The following NFE2L3 variants were observed in gnomAD, a reference collection of about 807,000 sequenced individuals.
NFE2L3 encodes NFE2 like bZIP transcription factor 3, also known as nuclear factor erythroid 2-related factor 3.
Under a neutral mutation model 23.5 loss-of-function variants are expected in NFE2L3, and 18 were observed. That is an observed-to-expected ratio of 0.77 (90% CI 0.53 to 1.13). The LOEUF (loss-of-function observed/expected upper bound fraction) is 1.13, where lower values mean the gene tolerates loss of function less well. Among genes scored for constraint, NFE2L3 ranks in the 50% most tolerant of loss-of-function variants. The pLI is 0.00. For missense variants in NFE2L3, 1,152 were observed against 877.2 expected (o/e 1.31, Z -3.96); for synonymous variants, 424 against 354.5 (o/e 1.20, Z -2.20).
chr7:26,156,909 G>A (rs1016623297), intron 1 of NFE2L3, among the ~76,000 whole-genome samples: 1 of 151,960 alleles, frequency 6.6e-6, no homozygotes, highest in East Asian at 1.9e-4. Flanking sequence ...TCAAGACATC[G>A]AGACCATCCT....
intron 1 of NFE2L3, among the ~76,000 whole-genome samples, chr7:26,154,409 A>G (rs952852878): frequency 1.3e-5 from 2 of 151,952 alleles, no homozygotes; most frequent in Non-Finnish European, 2.9e-5. Flanking sequence ...ACCAGATGGC[A>G]CTCTGCCACC....
chr7:26,185,882 TTAA>T lies in NFE2L3; in HGVS notation c.*100_*102del. 1 of 965,716 alleles carries T rather than the reference TTAA, an allele frequency of 1.0e-6. No individual in the cohort carries two copies. Among genetic ancestry groups the T allele is most frequent in the Non-Finnish European group, 1.5e-6 (1 of 663,134 alleles). 59.8% of individuals were successfully genotyped at this position (965,716 alleles called of 1,614,324 possible). A position where few individuals can be genotyped will look rare whatever the true frequency, so the allele number is the denominator to read the frequency against. ...TGAAACTGCTTCAAGAATTGTATCT[TTAA>T]GTACTGCTACTTGAATAACTCAGTT... is the stretch of plus-strand genomic sequence containing the variant. On this transcript the variant is annotated 3_prime_UTR_variant, in exon 4 of 4. Transcript: ENST00000056233.
chr7:26,185,310 G>C lies in NFE2L3; in HGVS notation c.1612G>C (p.Asp538His). Reference sequence around the variant, plus strand: ...AGACACAGATAGAAACTTGAGCCGTGATGAACAGCGTGCTAAAGCTTTGCA... The same window carrying C: ...AGACACAGATAGAAACTTGAGCCGTCATGAACAGCGTGCTAAAGCTTTGCA... ...LEDTDRNLSR[D>H]EQRAKALHIP... The change falls in exon 4 of 4, where the codon GAT becomes CAT. Residue 538 changes from aspartate to histidine, a missense_variant. Physicochemically the swap from Asp to His is moderately conservative, Grantham distance 81 (BLOSUM62 -1). Coordinates refer to ENST00000056233, the MANE Select transcript of NFE2L3 (RefSeq NM_004289.7). 1 of 1,614,118 alleles carries C rather than the reference G, an allele frequency of 6.2e-7. No individual in the cohort carries two copies. Among genetic ancestry groups the C allele is most frequent in the Non-Finnish European group, 8.5e-7 (1 of 1,179,984 alleles).
At chr7:26,180,493 CTT>C (rs1784488092) in intron 2 of NFE2L3, among the ~76,000 whole-genome samples, 1 of 152,214 alleles carries the variant, frequency 6.6e-6, no homozygotes, top group African/African-American at 2.4e-5. Context: ...TACCCATGGA[CTT>C]TTATATTAAA....
intron 1 of NFE2L3, among the ~76,000 whole-genome samples, chr7:26,162,681 T>A (rs1234060684): frequency 6.6e-6 from 1 of 152,012 alleles, no homozygotes; most frequent in Non-Finnish European, 1.5e-5. Flanking sequence ...CTCTGCCTTC[T>A]CCAGGGGACT....
rs1164540718 is a variant in NFE2L3, at chr7:26,185,677, A to G, written c.1979A>G (p.Asn660Ser). The stretch of plus-strand genomic sequence containing the variant: ...GACCAAGGTAGGCCAGTCAATCCCA[A>G]CCACTATGCTCTCCAGTGTACCCAT... ...RDDQGRPVNP[N>S]HYALQCTHDG... Residue 660 changes from asparagine (N) to serine (S), a missense_variant, in exon 4 of 4, where the codon AAC becomes AGC. Coordinates refer to ENST00000056233, the MANE Select transcript of NFE2L3 (RefSeq NM_004289.7). 6.2e-7 allele frequency: 1 copy of G among 1,613,800 alleles called. No individual in the cohort carries two copies. Among genetic ancestry groups the G allele is most frequent in the Non-Finnish European group, 8.5e-7 (1 of 1,179,818 alleles).
At chr7:26,183,840 G>A (rs779797859) in intron 3 of NFE2L3, 56 bp downstream of exon 3, 2 of 1,114,698 alleles carry the variant, frequency 1.8e-6, no homozygotes, top group Non-Finnish European at 2.8e-6. Flanking sequence ...TGACCTTTTG[G>A]TGAACAAATA....
rs1782441257 is a variant in NFE2L3, at chr7:26,184,946, T to G, written c.1248T>G (p.Asp416Glu). 6.2e-7 allele frequency: 1 copy of G among 1,613,858 alleles called. No homozygotes were observed. The highest frequency in any genetic ancestry group is 1.7e-5 in the Admixed American group (1 of 60,000). The change falls in exon 4 of 4, where the codon GAT (aspartate) becomes GAG (glutamate). Residue 416 changes from aspartate (D) to glutamate (E), a missense_variant. Transcript: ENST00000056233. ...IDVSQLFDEP[D>E]SDSGLSLDSS... Reference sequence around the variant, plus strand: ...TTTCTCAGCTTTTTGATGAACCAGATTCTGATTCTGGCCTTTCTTTAGATT... The same window carrying G: ...TTTCTCAGCTTTTTGATGAACCAGAGTCTGATTCTGGCCTTTCTTTAGATT...
intron 1 of NFE2L3, among the ~76,000 whole-genome samples, chr7:26,154,032 G>A (rs987446403): frequency 2.0e-5 from 3 of 152,172 alleles, no homozygotes; most frequent in Non-Finnish European, 4.4e-5. Flanking sequence ...AATGGGAATT[G>A]GGGCTAAACT....
At chr7:26,154,851 G>A (rs1784057224) in intron 1 of NFE2L3, among the ~76,000 whole-genome samples, 1 of 152,204 alleles carries the variant, frequency 6.6e-6, no homozygotes, top group African/African-American at 2.4e-5. Context: ...TAGACTGGCA[G>A]GCCTGCCTTG....
In NFE2L3 at chr7:26,184,684, G is replaced by C; in HGVS notation, c.986G>C (p.Arg329Thr). The change falls in exon 4 of 4, where the codon AGA (arginine) becomes ACA (threonine). Residue 329 changes from arginine (R) to threonine (T), a missense_variant. Physicochemically the swap from Arg to Thr is moderately conservative, Grantham distance 71. Transcript: ENST00000056233. ...ILLCPNNTFR[R>T]DPTARTSQSQ... ...CTTTGTCCCAACAATACATTTAGAAGAGATCCAACAGCAAGGACTTCACAG... is the reference window on the plus strand; with the variant it reads ...CTTTGTCCCAACAATACATTTAGAACAGATCCAACAGCAAGGACTTCACAG... 6.2e-7 allele frequency: 1 copy of C among 1,613,848 alleles called. No homozygotes were observed. The highest frequency in any genetic ancestry group is 8.5e-7 in the Non-Finnish European group (1 of 1,179,834).
chr7:26,184,909 A>T lies in NFE2L3; in HGVS notation c.1211A>T (p.Asp404Val). 6.2e-7 allele frequency: 1 copy of T among 1,613,942 alleles called. No individual in the cohort carries two copies. The highest frequency in any genetic ancestry group is 1.1e-5 in the South Asian group (1 of 91,068). Residue 404 changes from aspartate to valine, a missense_variant, in exon 4 of 4, where the codon GAT (aspartate) becomes GTT (valine). Coordinates refer to ENST00000056233, the MANE Select transcript of NFE2L3 (RefSeq NM_004289.7). ...LMSLATEDNF[D>V]PIDVSQLFDE... ...TCATTGGCCACAGAAGACAACTTTGATCCAATCGATGTTTCTCAGCTTTTT... is the reference window on the plus strand; with the variant it reads ...TCATTGGCCACAGAAGACAACTTTGTTCCAATCGATGTTTCTCAGCTTTTT...
In NFE2L3 at chr7:26,185,863, T is replaced by C; in HGVS notation, c.*80T>C. ...TATTTGGATCAGAAACCATTGAAAC[T>C]GCTTCAAGAATTGTATCTTTAAGTA... On this transcript the variant is annotated 3_prime_UTR_variant, in exon 4 of 4. Coordinates refer to ENST00000056233, the MANE Select transcript of NFE2L3 (RefSeq NM_004289.7). 2.5e-6 allele frequency: 3 copies of C among 1,178,942 alleles called. No individual in the cohort carries two copies. Among genetic ancestry groups the C allele is most frequent in the Non-Finnish European group, 2.3e-6 (2 of 851,548 alleles). The allele number at this position is 1,178,942 out of a possible 1,614,324, so 73.0% of individuals were successfully genotyped here.
intron 2 of NFE2L3, among the ~76,000 whole-genome samples, chr7:26,181,603 G>T (rs1266902215): frequency 6.6e-6 from 1 of 151,936 alleles, no homozygotes; most frequent in Non-Finnish European, 1.5e-5. Flanking sequence ...TTCTTGAAAA[G>T]AAAAATGCAA....
intron 1 of NFE2L3, among the ~76,000 whole-genome samples, chr7:26,168,573 G>A (rs1343437865): frequency 6.7e-6 from 1 of 148,606 alleles, no homozygotes; most frequent in Non-Finnish European, 1.5e-5. Flanking sequence ...TATATAGAGA[G>A]AGATTATAGA....
At chr7:26,184,461 AGTT>A in intron 3 of NFE2L3, 69 bp from the exon 4 acceptor site, 7 of 1,378,330 alleles carry the variant, frequency 5.1e-6, no homozygotes, top group Non-Finnish European at 7.0e-6. Context: ...GGGGAAAGAA[AGTT>A]GTTAGGTAAT....
chr7:26,177,763 C>G (rs1207313306), intron 1 of NFE2L3, among the ~76,000 whole-genome samples, 180 bp from the exon 2 acceptor site: 29 of 152,218 alleles, frequency 1.9e-4, no homozygotes, highest in Non-Finnish European at 5.9e-5. Flanking sequence ...TTAGAACAGC[C>G]TGTCTCAGGA....
chr7:26,187,136 A>AATGCTTCTAGT (rs754107892), exon 4 of NFE2L3: 1 of 152,176 alleles, frequency 6.6e-6, no homozygotes, highest in African/African-American at 2.4e-5. Flanking sequence ...TTTTGCCAGA[A>AATGCTTCTAGT]ATGCTTCTAG....
At position 26,185,705 on chromosome 7, in the gene NFE2L3, T is replaced by C. The variant is rs757510133; in HGVS notation, c.2007T>C (p.Asp669=). Residue 669 remains aspartate, a synonymous_variant, in exon 4 of 4, where the codon GAT becomes GAC. Transcript: ENST00000056233. ...ACTATGCTCTCCAGTGTACCCATGA[T>C]GGAAGTATCTTGATAGTACCCAAAG... ...PNHYALQCTH[D]GSILIVPKEL... 6.2e-7 allele frequency: 1 copy of C among 1,613,636 alleles called. No individual in the cohort carries two copies. The highest frequency in any genetic ancestry group is 8.5e-7 in the Non-Finnish European group (1 of 1,179,782).
Sources: allele counts gnomAD v4.1 joint callset (sites outside exome capture counted in the v4.1 genomes callset), GRCh38; gene constraint gnomAD v4.1.1; transcripts MANE v1.5; gene names NCBI Gene and HGNC (gene_info 2026-07-23, HGNC 2026-07-21).